Variants in PPARGC1A observed in about 807,000 individuals in gnomAD.
PPARGC1A encodes the protein peroxisome proliferator-activated receptor gamma coactivator 1-alpha.
In PPARGC1A, 25 loss-of-function variants were observed where a neutral mutation model predicts 88.7. The observed-to-expected ratio is 0.28, with a 90% CI of 0.21 to 0.39. The LOEUF (loss-of-function observed/expected upper bound fraction) is 0.39, where lower values mean the gene tolerates loss of function less well. Among genes scored for constraint, PPARGC1A ranks in the 10% least tolerant of loss-of-function variants. The pLI is 1.00. For synonymous variants in PPARGC1A, 363 were observed against 355.6 expected (o/e 1.02, Z -0.24); for missense variants, 880 against 968.7 (o/e 0.91, Z 1.22).
At chr4:24,384,613 C>A in the PPARGC1A span, among the ~76,000 whole-genome samples, 1 of 145,798 alleles carries the variant, frequency 6.9e-6, no homozygotes, top group East Asian at 2.1e-4. Flanking sequence ...ATAAAACAGA[C>A]TTTAAACCAA....
chr4:23,840,161 G>C (rs1026013786), intron 2 of PPARGC1A, among the ~76,000 whole-genome samples: 1 of 152,018 alleles, frequency 6.6e-6, no homozygotes, highest in Admixed American at 6.6e-5. Flanking sequence ...TAAATCTTAA[G>C]AGTGCCTTAC....
chr4:23,893,879 A>C (rs1043034883), upstream of PPARGC1A, among the ~76,000 whole-genome samples: 4 of 152,196 alleles, frequency 2.6e-5, no homozygotes, highest in Admixed American at 2.6e-4. Context: ...CATATACAGC[A>C]GACCACGTAT....
At chr4:24,150,935 A>G in the PPARGC1A span, among the ~76,000 whole-genome samples, 1 of 152,078 alleles carries the variant, frequency 6.6e-6, no homozygotes. Flanking sequence ...ATTTCCACGC[A>G]TCTCTTTCAT....
At chr4:24,128,894 C>T in the PPARGC1A span, among the ~76,000 whole-genome samples, 6,778 of 152,198 alleles carry the variant, frequency 0.045, 204 homozygotes, top group East Asian at 0.17. Context: ...TAACAATCAA[C>T]GAAGCCTCAC....
chr4:24,297,830 C>T, the PPARGC1A span, among the ~76,000 whole-genome samples: 3 of 152,148 alleles, frequency 2.0e-5, no homozygotes, highest in Non-Finnish European at 2.9e-5. Flanking sequence ...GTTGCTAATA[C>T]GTAACCACTC....
At chr4:23,851,839 A>C (rs1302470762) in intron 2 of PPARGC1A, among the ~76,000 whole-genome samples, 1 of 152,174 alleles carries the variant, frequency 6.6e-6, no homozygotes, top group Admixed American at 6.6e-5. Flanking sequence ...AAGCTATTTT[A>C]AAACAAGAAC....
chr4:23,839,705 A>G (rs1363997605), intron 2 of PPARGC1A, among the ~76,000 whole-genome samples: 1 of 152,182 alleles, frequency 6.6e-6, no homozygotes, highest in Admixed American at 6.5e-5. Context: ...AAAGATGTTT[A>G]GTTAGACTCA....
the PPARGC1A span, among the ~76,000 whole-genome samples, chr4:24,277,096 C>G: frequency 6.6e-6 from 1 of 152,008 alleles, no homozygotes; most frequent in Non-Finnish European, 1.5e-5. Context: ...TTGGGTTTTG[C>G]TTTTTGTTTG....
the PPARGC1A span, among the ~76,000 whole-genome samples, chr4:24,431,991 A>T: frequency 6.6e-6 from 1 of 152,212 alleles, no homozygotes; most frequent in Non-Finnish European, 1.5e-5. Context: ...ACATGTTAGG[A>T]TAAAAGCTAA....
chr4:24,339,657 G>A, the PPARGC1A span, among the ~76,000 whole-genome samples: 1 of 152,174 alleles, frequency 6.6e-6, no homozygotes, highest in Admixed American at 6.5e-5. Context: ...AGCCAATGGC[G>A]CTCAAAGTCA....
chr4:23,974,439 G>A, the PPARGC1A span, among the ~76,000 whole-genome samples: 1 of 152,074 alleles, frequency 6.6e-6, no homozygotes, highest in Non-Finnish European at 1.5e-5. Context: ...TGTCTCTCGT[G>A]TTCACATCAT....
At chr4:23,948,792 C>T in the PPARGC1A span, among the ~76,000 whole-genome samples, 4 of 152,096 alleles carry the variant, frequency 2.6e-5, no homozygotes, top group African/African-American at 9.7e-5. Context: ...ATTTTACTTT[C>T]ATTTGAGGTG....
the PPARGC1A span, among the ~76,000 whole-genome samples, chr4:23,943,426 T>A: frequency 6.6e-6 from 1 of 151,510 alleles, no homozygotes; most frequent in African/African-American, 2.4e-5. Flanking sequence ...GGCTCAAATT[T>A]ATACAGAAGG....
the PPARGC1A span, among the ~76,000 whole-genome samples, chr4:24,009,097 G>A: frequency 6.1e-3 from 761 of 123,966 alleles, 34 homozygotes; most frequent in East Asian, 0.094. Context: ...ACAAACTCCC[G>A]TGTGAAATAT....
the PPARGC1A span, among the ~76,000 whole-genome samples, chr4:24,202,604 G>T: frequency 1.3e-5 from 2 of 152,154 alleles, no homozygotes; most frequent in African/African-American, 4.8e-5. Context: ...AAAGCATTGT[G>T]GCAAAAGGTT....
the PPARGC1A span, among the ~76,000 whole-genome samples, chr4:23,945,904 T>C: frequency 6.6e-6 from 1 of 152,328 alleles, no homozygotes; most frequent in African/African-American, 2.4e-5. Flanking sequence ...CATGTCATCA[T>C]GGCCAGCCGC....
chr4:24,087,252 G>C, the PPARGC1A span, among the ~76,000 whole-genome samples: 2 of 152,132 alleles, frequency 1.3e-5, no homozygotes, highest in African/African-American at 4.8e-5. Flanking sequence ...AAAATCGAAG[G>C]CTTAGGAACC....
At chr4:24,008,727 T>C in the PPARGC1A span, among the ~76,000 whole-genome samples, 1 of 151,960 alleles carries the variant, frequency 6.6e-6, no homozygotes, top group African/African-American at 2.4e-5. Context: ...CAGTCTTTGA[T>C]TGACAGAATC....
the PPARGC1A span, among the ~76,000 whole-genome samples, chr4:23,914,693 C>A: frequency 2.7e-5 from 4 of 146,994 alleles, no homozygotes; most frequent in African/African-American, 1.0e-4. Context: ...ACAACTCTTT[C>A]TTTCCATGAC....
Sources: gnomAD v4.1 joint callset for allele counts (sites outside exome capture counted in the v4.1 genomes callset) on GRCh38, gnomAD v4.1.1 for gene constraint, MANE v1.5 for transcripts, NCBI Gene and HGNC (gene_info 2026-07-23, HGNC 2026-07-21) for gene names.